PARD3: variants seen among roughly 807,000 people sequenced by gnomAD.
The protein encoded by PARD3 is par-3 family cell polarity regulator.
PARD3 carries 75 observed loss-of-function variants against 155.4 expected under a neutral mutation model. The observed-to-expected ratio is 0.48, with a 90% CI of 0.40 to 0.58. The LOEUF (loss-of-function observed/expected upper bound fraction) is 0.58, where lower values mean the gene tolerates loss of function less well. Ranked by LOEUF, PARD3 falls within the 20% of genes least tolerant of loss-of-function variation. The pLI is 0.00. For synonymous variants in PARD3, 576 were observed against 610.5 expected, an observed-to-expected ratio of 0.94 and a Z score of 0.83; for missense variants, 1,642 against 1,721.7, an observed-to-expected ratio of 0.95 and a Z score of 0.82.
intron 22 of PARD3, among the ~76,000 whole-genome samples, chr10:34,257,290 T>A (rs1309891613): frequency 6.6e-6 from 1 of 152,248 alleles, no homozygotes; most frequent in Non-Finnish European, 1.5e-5. Flanking sequence ...TTGATTGATA[T>A]TCCATCCTTA....
intron 2 of PARD3, among the ~76,000 whole-genome samples, chr10:34,695,820 T>C (rs1221005442): frequency 6.6e-6 from 1 of 151,732 alleles, no homozygotes; most frequent in Non-Finnish European, 1.5e-5. Context: ...CTGAGCTTCC[T>C]GAGGGCCAGG....
At chr10:34,299,671 C>A (rs578077980) in intron 20 of PARD3, among the ~76,000 whole-genome samples, 1 of 152,062 alleles carries the variant, frequency 6.6e-6, no homozygotes, top group African/African-American at 2.4e-5. Flanking sequence ...GATAATAAGA[C>A]CTGCATGGAT....
intron 2 of PARD3, among the ~76,000 whole-genome samples, chr10:34,583,347 G>A (rs1326752259): frequency 6.6e-6 from 1 of 152,048 alleles, no homozygotes; most frequent in Non-Finnish European, 1.5e-5. Context: ...ACAAAAATAG[G>A]CTGTCAAGAT....
intron 2 of PARD3, among the ~76,000 whole-genome samples, chr10:34,691,070 G>T (rs1485024645): frequency 2.0e-5 from 3 of 152,124 alleles, no homozygotes; most frequent in African/African-American, 7.2e-5. Context: ...ACATAAATTA[G>T]CCAGGCATCG....
intron 2 of PARD3, among the ~76,000 whole-genome samples, chr10:34,590,275 C>T (rs563517716): frequency 6.6e-6 from 1 of 152,194 alleles, no homozygotes; most frequent in African/African-American, 2.4e-5. Context: ...CCCACACCAA[C>T]GTCCACTCAA....
rs182532500 is a variant in PARD3 at position 34,768,910 on chromosome 10, G to A, written c.120+45966C>T. On this transcript the variant is annotated intron_variant, in intron 1 of 24. Coordinates refer to ENST00000374788, the MANE Select transcript of PARD3 (RefSeq NM_001184785.2). ...GGGAGGTGAATATCCAGTTCCCAGC[G>A]CCGAACTCCAGTTCACGTCACCCTC... Among the ~76,000 whole-genome samples, 533 of 152,222 alleles carry A rather than the reference G, an allele frequency of 3.5e-3. 3 individuals carry two copies. Among genetic ancestry groups the A allele is most frequent in the African/African-American group, 0.011 (473 of 41,540 alleles).
intron 3 of PARD3, among the ~76,000 whole-genome samples, chr10:34,487,237 GAGA>G (rs1400497473): frequency 1.3e-5 from 2 of 151,936 alleles, no homozygotes; most frequent in African/African-American, 2.4e-5. Flanking sequence ...TGCCATCTCT[GAGA>G]AGTTTAAAAG....
chr10:34,550,510 G>A (rs2084460768), intron 2 of PARD3, among the ~76,000 whole-genome samples: 1 of 152,024 alleles, frequency 6.6e-6, no homozygotes. Context: ...ATCTCGCCTG[G>A]CCTACCGGCC....
intron 1 of PARD3, among the ~76,000 whole-genome samples, chr10:34,742,290 G>A (rs74395492): frequency 1.3e-5 from 2 of 152,124 alleles, no homozygotes; most frequent in South Asian, 2.1e-4. Flanking sequence ...CAATGTAAGG[G>A]GGGGACCAAA....
chr10:34,623,819 A>T (rs1590277290), intron 2 of PARD3, among the ~76,000 whole-genome samples: 1 of 152,004 alleles, frequency 6.6e-6, no homozygotes, highest in African/African-American at 2.4e-5. Flanking sequence ...GACTCTACTA[A>T]AAATACAAAA....
intron 2 of PARD3, among the ~76,000 whole-genome samples, chr10:34,556,238 T>C (rs1029463840): frequency 9.2e-5 from 14 of 152,290 alleles, no homozygotes; most frequent in African/African-American, 3.1e-4. Flanking sequence ...ACAACAACGT[T>C]TTTCTTTTCT....
chr10:34,675,104 T>C (rs1292803304), intron 2 of PARD3, among the ~76,000 whole-genome samples: 1 of 152,226 alleles, frequency 6.6e-6, no homozygotes, highest in African/African-American at 2.4e-5. Flanking sequence ...TTGAGTTGTG[T>C]CTTCTATTAA....
At chr10:34,332,914 T>C (rs1242138739) in intron 18 of PARD3, among the ~76,000 whole-genome samples, 1 of 152,130 alleles carries the variant, frequency 6.6e-6, no homozygotes, top group African/African-American at 2.4e-5. Flanking sequence ...GAAAAATGAA[T>C]TTTGTTCCAA....
intron 24 of PARD3, among the ~76,000 whole-genome samples, chr10:34,113,629 G>T (rs1233587868): frequency 6.6e-6 from 1 of 152,136 alleles, no homozygotes; most frequent in East Asian, 1.9e-4. Flanking sequence ...CAATTGTAGA[G>T]ACCAAGGGAA....
At chr10:34,168,629 G>A (rs912567352) in intron 22 of PARD3, among the ~76,000 whole-genome samples, 12 of 152,122 alleles carry the variant, frequency 7.9e-5, no homozygotes, top group African/African-American at 1.4e-4. Context: ...GGCCCTCCCC[G>A]CGAAGGATTC....
intron 4 of PARD3, among the ~76,000 whole-genome samples, chr10:34,455,095 T>G (rs1206210139): frequency 6.6e-6 from 1 of 152,210 alleles, no homozygotes; most frequent in Non-Finnish European, 1.5e-5. Flanking sequence ...TATATCCCTC[T>G]GTTGCAGAAG....
chr10:34,364,575 C>G (rs535771282), intron 12 of PARD3, among the ~76,000 whole-genome samples: 1 of 152,146 alleles, frequency 6.6e-6, no homozygotes, highest in Non-Finnish European at 1.5e-5. Context: ...GCTGGGACCC[C>G]AGGCACACCA....
intron 1 of PARD3, among the ~76,000 whole-genome samples, chr10:34,806,725 C>T (rs1313461048): frequency 6.6e-6 from 1 of 152,136 alleles, no homozygotes; most frequent in Non-Finnish European, 1.5e-5. Context: ...CGGGGTGAGG[C>T]AAAATATTCT....
At chr10:34,395,897 T>C (rs1275494176) in intron 7 of PARD3, among the ~76,000 whole-genome samples, 1 of 152,020 alleles carries the variant, frequency 6.6e-6, no homozygotes, top group Non-Finnish European at 1.5e-5. Flanking sequence ...AAGATAATAT[T>C]GTCTCTCTAC....
Sources: gnomAD v4.1 joint callset for allele counts (sites outside exome capture counted in the v4.1 genomes callset) on GRCh38, gnomAD v4.1.1 for gene constraint, MANE v1.5 for transcripts, NCBI Gene and HGNC (gene_info 2026-07-23, HGNC 2026-07-21) for gene names.